STK3: variants seen among roughly 807,000 people sequenced by gnomAD.
STK3 encodes the protein serine/threonine-protein kinase 3.
STK3 carries 41 observed loss-of-function variants against 58.0 expected under a neutral mutation model. The ratio of observed to expected loss-of-function variants is 0.71; its 90% CI spans 0.55 to 0.92. STK3 has a LOEUF of 0.92. Among genes scored for constraint, STK3 ranks in the 40% least tolerant of loss-of-function variants. The pLI is 0.00. For synonymous variants in STK3, 170 were observed against 191.0 expected (o/e 0.89, Z 0.91); for missense variants, 479 against 602.7 (o/e 0.79, Z 2.15).
At chr8:98,371,411 A>G (rs1563585965) in exon 3 of STK3, 1 of 152,350 alleles carries the variant, frequency 6.6e-6, no homozygotes, top group East Asian at 1.9e-4. Flanking sequence ...AGGCTCCAAG[A>G]GCTTTGAAAT....
downstream of STK3, among the ~76,000 whole-genome samples, chr8:98,399,935 G>A (rs908422346): frequency 1.3e-5 from 2 of 152,198 alleles, no homozygotes; most frequent in Non-Finnish European, 2.9e-5. Context: ...TTGCAAACTT[G>A]TATCACCACT....
At chr8:98,392,242 T>C (rs1283951275), upstream of STK3, among the ~76,000 whole-genome samples, 4 of 152,240 alleles carry the variant, frequency 2.6e-5, no homozygotes, top group African/African-American at 9.6e-5. Flanking sequence ...CCTCAAATTG[T>C]TTGGAAGTAG....
intron 3 of STK3, among the ~76,000 whole-genome samples, chr8:98,417,296 C>T (rs1045000288): frequency 1.3e-5 from 2 of 152,158 alleles, no homozygotes; most frequent in African/African-American, 4.8e-5. Flanking sequence ...GGGTGGATCA[C>T]GAGGTCAGGA....
chr8:98,514,500 A>G (rs80125087), intron 10 of STK3, among the ~76,000 whole-genome samples: 4 of 152,054 alleles, frequency 2.6e-5, no homozygotes, highest in South Asian at 2.1e-4. Flanking sequence ...TTTAAGTTCA[A>G]GCATAGACTG....
At chr8:98,684,764 C>T (rs1258274392) in intron 6 of STK3, among the ~76,000 whole-genome samples, 1 of 152,096 alleles carries the variant, frequency 6.6e-6, no homozygotes, top group Non-Finnish European at 1.5e-5. Context: ...ATTTGGATTT[C>T]CAACACCTGG....
intron 1 of STK3, among the ~76,000 whole-genome samples, chr8:98,820,370 A>G (rs984486083): frequency 5.3e-5 from 8 of 152,188 alleles, no homozygotes; most frequent in Admixed American, 2.0e-4. Context: ...TCATTGTTCA[A>G]TGCTAACCTG....
chr8:98,708,364 T>A (rs973450565), intron 4 of STK3, among the ~76,000 whole-genome samples: 6 of 152,020 alleles, frequency 3.9e-5, no homozygotes, highest in Non-Finnish European at 8.8e-5. Flanking sequence ...GGAAAGTAAA[T>A]GAGGGAGGGA....
At chr8:98,745,108 G>A (rs761215656) in intron 4 of STK3, among the ~76,000 whole-genome samples, 21 of 152,100 alleles carry the variant, frequency 1.4e-4, no homozygotes, top group Non-Finnish European at 2.5e-4. Context: ...TCATAAAGAT[G>A]TTTATCTAAC....
intron 7 of STK3, among the ~76,000 whole-genome samples, chr8:98,590,066 G>A (rs187260806): frequency 1.6e-4 from 24 of 152,346 alleles, no homozygotes; most frequent in East Asian, 3.9e-4. Flanking sequence ...CTTCTGCGGC[G>A]CTCATGCTGG....
At chr8:98,661,249 T>C (rs1821945008) in intron 6 of STK3, among the ~76,000 whole-genome samples, 1 of 152,250 alleles carries the variant, frequency 6.6e-6, no homozygotes, top group African/African-American at 2.4e-5. Flanking sequence ...TACAGCCTCT[T>C]TGAAAATAAG....
chr8:98,892,853 T>C (rs1838246370), intron 1 of STK3, among the ~76,000 whole-genome samples: 1 of 152,168 alleles, frequency 6.6e-6, no homozygotes, highest in Admixed American at 6.5e-5. Context: ...AATGAACAAG[T>C]GAATCAGTAA....
At chr8:98,608,197 T>C (rs1294401378) in intron 6 of STK3, among the ~76,000 whole-genome samples, 1 of 152,160 alleles carries the variant, frequency 6.6e-6, no homozygotes, top group East Asian at 1.9e-4. Flanking sequence ...CCAGATATTT[T>C]TCATACATTT....
At chr8:98,614,074 G>C (rs1817439693) in intron 6 of STK3, among the ~76,000 whole-genome samples, 1 of 152,102 alleles carries the variant, frequency 6.6e-6, no homozygotes, top group East Asian at 1.9e-4. Context: ...AGGAGAAATA[G>C]ATAAATTCAC....
chr8:98,488,917 G>A (rs536149935), intron 10 of STK3, among the ~76,000 whole-genome samples: 166 of 152,232 alleles, frequency 1.1e-3, no homozygotes, highest in Admixed American at 4.0e-3. Flanking sequence ...CGCATTATAT[G>A]GACGTTTCTG....
chr8:98,908,761 T>C (rs1391999453), intron 1 of STK3, among the ~76,000 whole-genome samples: 1 of 148,034 alleles, frequency 6.8e-6, no homozygotes, highest in African/African-American at 2.5e-5. Flanking sequence ...GAGAACCCCT[T>C]GAACCCGGGA....
intron 10 of STK3, among the ~76,000 whole-genome samples, chr8:98,510,441 C>A (rs1824419568): frequency 6.8e-6 from 1 of 148,014 alleles, no homozygotes; most frequent in Non-Finnish European, 1.5e-5. Context: ...TCATTTTCAG[C>A]CCCTGTAACA....
At chr8:98,394,103 G>A (rs1012394207) in intron 3 of STK3, among the ~76,000 whole-genome samples, 11 of 152,138 alleles carry the variant, frequency 7.2e-5, no homozygotes, top group Non-Finnish European at 1.6e-4. Context: ...CTTGGGAGAT[G>A]TTGCTGTAGT....
At chr8:98,790,938 C>T (rs56993545) in intron 1 of STK3, among the ~76,000 whole-genome samples, 223 of 151,512 alleles carry the variant, frequency 1.5e-3, no homozygotes, top group African/African-American at 5.3e-3. Context: ...GAGCTGAGAT[C>T]GCGCCATTGC....
chr8:98,672,859 G>A (rs186009770), intron 6 of STK3, among the ~76,000 whole-genome samples: 2 of 152,166 alleles, frequency 1.3e-5, no homozygotes, highest in African/African-American at 2.4e-5. Flanking sequence ...AGTGGAGGTC[G>A]GGGGCAGTCA....
Sources: gnomAD v4.1 joint callset for allele counts (sites outside exome capture counted in the v4.1 genomes callset) on GRCh38, gnomAD v4.1.1 for gene constraint, MANE v1.5 for transcripts, NCBI Gene and HGNC (gene_info 2026-07-23, HGNC 2026-07-21) for gene names.